Variants in VPS13B observed in about 807,000 individuals in gnomAD.
VPS13B encodes the protein intermembrane lipid transfer protein VPS13B.
A neutral mutation model predicts 426.4 loss-of-function variants in VPS13B; 285 were observed. The observed-to-expected ratio is 0.67, with a 90% CI of 0.61 to 0.74. VPS13B has a LOEUF of 0.74. Among genes scored for constraint, VPS13B ranks in the 30% least tolerant of loss-of-function variants. The pLI is 0.00. For synonymous variants in VPS13B, 1,676 were observed against 1,676.4 expected, an observed-to-expected ratio of 1.00 and a Z score of 0.01; for missense variants, 4,537 against 4,782.6, an observed-to-expected ratio of 0.95 and a Z score of 1.51.
In VPS13B at chr8:99,875,471, C is replaced by CTA; in HGVS notation, c.11800_11801dup (p.Ile3935ThrfsTer54). On this transcript the variant is annotated frameshift_variant, in exon 62 of 62. Coordinates refer to ENST00000357162, the MANE Select transcript of VPS13B (RefSeq NM_152564.5). LOFTEE classifies it high-confidence loss of function. ...AGCAACAGTACAACAGACTGGTGGA[C>CTA]TACATCACAAAGACATCTTGTCACC... The CTA allele has an allele frequency of 6.2e-7, 1 of 1,614,182 alleles. No homozygotes were observed. Among genetic ancestry groups the CTA allele is most frequent in the Non-Finnish European group, 8.5e-7 (1 of 1,180,028 alleles).
chr8:99,465,102 A>G (rs1475414218), intron 23 of VPS13B, among the ~76,000 whole-genome samples: 5 of 152,210 alleles, frequency 3.3e-5, no homozygotes, highest in African/African-American at 1.2e-4. Flanking sequence ...AGATTGATAG[A>G]AAGCTATATG....
intron 23 of VPS13B, among the ~76,000 whole-genome samples, chr8:99,444,850 G>T (rs1264271274): frequency 2.0e-5 from 3 of 151,910 alleles, no homozygotes; most frequent in Non-Finnish European, 2.9e-5. Context: ...TTTTGTAGAG[G>T]TGGGGTTTCA....
At chr8:99,385,686 A>G (rs991972684) in intron 20 of VPS13B, among the ~76,000 whole-genome samples, 3 of 152,170 alleles carry the variant, frequency 2.0e-5, no homozygotes, top group African/African-American at 4.8e-5. Context: ...GTAATTAACT[A>G]TGTAGATGTA....
At chr8:99,546,656 T>C (rs561653488) in intron 30 of VPS13B, among the ~76,000 whole-genome samples, 4 of 152,154 alleles carry the variant, frequency 2.6e-5, no homozygotes, top group African/African-American at 9.6e-5. Context: ...ATTAATATTA[T>C]TACTATCATT....
intron 56 of VPS13B, among the ~76,000 whole-genome samples, chr8:99,856,562 C>T (rs181536954): frequency 1.1e-3 from 161 of 152,268 alleles, no homozygotes; most frequent in South Asian, 4.1e-3. Flanking sequence ...AGAAACAGGC[C>T]GGGCGCAGTG....
At chr8:99,767,025 A>T (rs1482566368) in intron 40 of VPS13B, 55 bp downstream of exon 40, 15 of 1,548,712 alleles carry the variant, frequency 9.7e-6, no homozygotes, top group Non-Finnish European at 1.3e-5. Flanking sequence ...ATGATAAGTC[A>T]TCTTTTCCTA....
intron 19 of VPS13B, among the ~76,000 whole-genome samples, chr8:99,318,674 C>T (rs1809808644): frequency 6.6e-6 from 1 of 152,066 alleles, no homozygotes; most frequent in Non-Finnish European, 1.5e-5. Flanking sequence ...CACGCACCAC[C>T]AAGCCTAGCA....
rs1588075311 is a variant in VPS13B, at chr8:99,134,931, C to G, written c.1303-84C>G. 2.0e-6 allele frequency: 3 copies of G among 1,517,048 alleles called. No homozygotes were observed. The East Asian group carries it at 6.8e-5, about 35-fold the overall frequency. 94.0% of individuals were successfully genotyped at this position (1,517,048 alleles called of 1,614,324 possible). On this transcript the variant is annotated intron_variant, in intron 9 of 61. Coordinates refer to ENST00000357162, the MANE Select transcript of VPS13B (RefSeq NM_152564.5). Reference sequence around the variant, plus strand: ...ATGACATAATTCTAAAGATGTTTAACTAATTTAGAGATTCTACAAGGAAAG... The same window carrying G: ...ATGACATAATTCTAAAGATGTTTAAGTAATTTAGAGATTCTACAAGGAAAG...
intron 42 of VPS13B, 119 bp from the exon 43 acceptor site, chr8:99,784,196 C>T: frequency 7.9e-7 from 1 of 1,260,698 alleles, no homozygotes. Context: ...TATACCAGAG[C>T]TAATGACAAC....
intron 43 of VPS13B, among the ~76,000 whole-genome samples, chr8:99,791,915 G>T (rs1463945469): frequency 1.3e-5 from 2 of 152,020 alleles, no homozygotes; most frequent in Non-Finnish European, 2.9e-5. Context: ...GGTACCAGGG[G>T]AAATAGCCTA....
chr8:99,196,752 A>G (rs1344276471), intron 17 of VPS13B, among the ~76,000 whole-genome samples: 1 of 152,122 alleles, frequency 6.6e-6, no homozygotes, highest in Non-Finnish European at 1.5e-5. Context: ...ATTTTTACGT[A>G]TAAGATCATA....
intron 19 of VPS13B, among the ~76,000 whole-genome samples, chr8:99,337,147 A>C (rs1220983541): frequency 6.6e-6 from 1 of 152,076 alleles, no homozygotes; most frequent in Non-Finnish European, 1.5e-5. Context: ...GATTAAGAAA[A>C]TGTGGCACAT....
Position 99,199,494 on chromosome 8 carries a change from A to G in VPS13B, c.2515+6437A>G, listed in dbSNP as rs902195922. Among the ~76,000 whole-genome samples, 5 of 152,116 alleles carry G rather than the reference A, an allele frequency of 3.3e-5. No individual in the cohort carries two copies. In the East Asian group the frequency reaches 9.6e-4, roughly 29 times the overall value. ...CCCAGAACCATAATTTTTAAAGTCTACGTTTGACTGTACACCACCTTTCAT... is the reference window on the plus strand; with the variant it reads ...CCCAGAACCATAATTTTTAAAGTCTGCGTTTGACTGTACACCACCTTTCAT... On this transcript the variant is annotated intron_variant, in intron 17 of 61. Transcript: ENST00000357162.
At chr8:99,316,639 C>T (rs972717971) in intron 19 of VPS13B, among the ~76,000 whole-genome samples, 6 of 152,150 alleles carry the variant, frequency 3.9e-5, no homozygotes, top group Non-Finnish European at 5.9e-5. Context: ...GGGTCGCAGC[C>T]GGTCCCAGTC....
At chr8:99,404,110 G>T (rs1016746098) in intron 21 of VPS13B, among the ~76,000 whole-genome samples, 2 of 152,152 alleles carry the variant, frequency 1.3e-5, no homozygotes. Context: ...TCATTACAAA[G>T]GTTTTTTCCC....
intron 39 of VPS13B, among the ~76,000 whole-genome samples, chr8:99,733,156 T>C (rs1833672218): frequency 6.6e-6 from 1 of 152,256 alleles, no homozygotes; most frequent in African/African-American, 2.4e-5. Flanking sequence ...ACTTGGTCTC[T>C]GTCAAATAGA....
At chr8:99,774,342 A>G (rs1371763919) in intron 40 of VPS13B, among the ~76,000 whole-genome samples, 1 of 152,180 alleles carries the variant, frequency 6.6e-6, no homozygotes, top group Non-Finnish European at 1.5e-5. Context: ...GTATGATTTT[A>G]TGATTCAGGA....
chr8:99,565,166 C>A (rs1222889363), intron 31 of VPS13B, among the ~76,000 whole-genome samples: 1 of 152,026 alleles, frequency 6.6e-6, no homozygotes, highest in Non-Finnish European at 1.5e-5. Flanking sequence ...AGATATAATT[C>A]TAATAGACTT....
chr8:99,087,120 G>A (rs1588018948), intron 3 of VPS13B, among the ~76,000 whole-genome samples: 1 of 152,280 alleles, frequency 6.6e-6, no homozygotes, highest in East Asian at 1.9e-4. Flanking sequence ...TGAGCTTCCA[G>A]GCCGCTTTGT....
Sources: gnomAD v4.1 joint callset for allele counts (sites outside exome capture counted in the v4.1 genomes callset) on GRCh38, gnomAD v4.1.1 for gene constraint, MANE v1.5 for transcripts, NCBI Gene and HGNC (gene_info 2026-07-23, HGNC 2026-07-21) for gene names.